LAMP5: variants seen among roughly 807,000 people sequenced by gnomAD.
LAMP5 encodes lysosome-associated membrane glycoprotein 5.
LAMP5 carries 36 observed loss-of-function variants against 30.2 expected under a neutral mutation model. That is an observed-to-expected ratio of 1.19 (90% CI 0.91 to 1.57). The LOEUF (loss-of-function observed/expected upper bound fraction) is 1.57, where lower values mean the gene tolerates loss of function less well. Among genes scored for constraint, LAMP5 ranks in the 40% most tolerant of loss-of-function variants. The pLI is 0.00. For missense variants in LAMP5, 377 were observed against 354.9 expected, an observed-to-expected ratio of 1.06 and a Z score of -0.50; for synonymous variants, 149 against 134.6, an observed-to-expected ratio of 1.11 and a Z score of -0.74.
chr20:9,519,232 A>G (rs1162458766), intron 5 of LAMP5, among the ~76,000 whole-genome samples: 1 of 152,196 alleles, frequency 6.6e-6, no homozygotes, highest in African/African-American at 2.4e-5. Context: ...AATCAGAAAA[A>G]ATTTTGATTG....
intron 5 of LAMP5, among the ~76,000 whole-genome samples, chr20:9,519,547 C>A (rs1418099671): frequency 6.6e-6 from 1 of 152,140 alleles, no homozygotes; most frequent in African/African-American, 2.4e-5. Context: ...TGTGTCGAGA[C>A]CTTAACAGTT....
chr20:9,519,158 A>C (rs2045063146), intron 5 of LAMP5, among the ~76,000 whole-genome samples: 2 of 152,228 alleles, frequency 1.3e-5, no homozygotes, highest in Admixed American at 1.3e-4. Context: ...CATATCATTT[A>C]TTCTCTCTCC....
At chr20:9,520,209 A>C (rs1170057117) in intron 5 of LAMP5, among the ~76,000 whole-genome samples, 1 of 152,174 alleles carries the variant, frequency 6.6e-6, no homozygotes, top group Non-Finnish European at 1.5e-5. Context: ...AATAATTAGG[A>C]TGTTCTCTCC....
intron 5 of LAMP5, among the ~76,000 whole-genome samples, chr20:9,520,130 T>C (rs2045069514): frequency 6.6e-6 from 1 of 152,236 alleles, no homozygotes; most frequent in Admixed American, 6.5e-5. Context: ...TAACTACATA[T>C]AACTTCCTAA....
rs2045142313 is a variant in LAMP5, at chr20:9,530,327, A to G, written c.*507A>G. 1 of 152,950 alleles carries G rather than the reference A, an allele frequency of 6.5e-6. No homozygotes were observed. Among genetic ancestry groups the G allele is most frequent in the African/African-American group, 2.4e-5 (1 of 41,446 alleles). The allele number at this position is 152,950 out of a possible 1,614,324, so 9.5% of individuals were successfully genotyped here. On this transcript the variant is annotated 3_prime_UTR_variant, in exon 6 of 6. Transcript: ENST00000246070. ...AAAGTGATTCATGCTTCTGGCTGGC[A>G]TTCTGCATGTTTAGTGATTGTCTTG... is the stretch of plus-strand genomic sequence containing the variant.
intron 5 of LAMP5, among the ~76,000 whole-genome samples, chr20:9,525,999 T>G (rs1299433890): frequency 6.6e-6 from 1 of 152,120 alleles, no homozygotes; most frequent in Non-Finnish European, 1.5e-5. Context: ...AAAACCATGG[T>G]CTACAGTCTG....
At chr20:9,526,860 GTATATATATATATATATATATATA>G (rs201564418) in intron 5 of LAMP5, among the ~76,000 whole-genome samples, 7,012 of 80,370 alleles carry the variant, frequency 0.087, 403 homozygotes, top group East Asian at 0.28. Context: ...GTGTGTGTGT[GTATATATATATATATATATATATA>G]TATATATATA....
At position 9,516,017 on chromosome 20, in the gene LAMP5, C is replaced by G; in HGVS notation, c.255C>G (p.Ala85=). The G allele has an allele frequency of 6.6e-7, 1 of 1,524,280 alleles. No individual in the cohort carries two copies. Among genetic ancestry groups the G allele is most frequent in the Non-Finnish European group, 8.8e-7 (1 of 1,141,296 alleles). The allele number at this position is 1,524,280 out of a possible 1,614,324, so 94.4% of individuals were successfully genotyped here. The change falls in exon 3 of 6, where the codon GCC becomes GCG. Residue 85 remains alanine, a synonymous_variant. Transcript: ENST00000246070. ...GTTCCCAGCTGATCACAGAACAGGCCGATATCGCATTGACCCGGGGAGCTG... is the reference window on the plus strand; with the variant it reads ...GTTCCCAGCTGATCACAGAACAGGCGGATATCGCATTGACCCGGGGAGCTG... ...SNYVDLITEQ[A]DIALTRGAEV... is the part of the protein sequence containing the mutation.
chr20:9,516,212 A>G (rs1353598882), intron 3 of LAMP5, 44 bp from the exon 4 acceptor site: 1 of 1,611,432 alleles, frequency 6.2e-7, no homozygotes, highest in Non-Finnish European at 8.5e-7. Flanking sequence ...TTAAGAACCC[A>G]GACGCTGCGG....
At position 9,516,113 on chromosome 20, in the gene LAMP5, C is replaced by T; in HGVS notation, c.351C>T (p.Leu117=). The T allele has an allele frequency of 6.4e-7, 1 of 1,552,830 alleles. No individual in the cohort carries two copies. Among genetic ancestry groups the T allele is most frequent in the Non-Finnish European group, 8.7e-7 (1 of 1,153,614 alleles). Reference sequence around the variant, plus strand: ...TCTGGGTGGATCGCGCATATGCACTCAAAATGCTCTTTGTAAAGGTAACTC... The same window carrying T: ...TCTGGGTGGATCGCGCATATGCACTTAAAATGCTCTTTGTAAAGGTAACTC... ...QVFWVDRAYA[L]KMLFVKESHN... The change falls in exon 3 of 6, where the codon CTC becomes CTT. Residue 117 remains leucine (L), a synonymous_variant. Coordinates refer to ENST00000246070, the MANE Select transcript of LAMP5 (RefSeq NM_012261.4).
chr20:9,520,921 T>C (rs1433711051), intron 5 of LAMP5, among the ~76,000 whole-genome samples: 4 of 151,878 alleles, frequency 2.6e-5, no homozygotes, highest in Non-Finnish European at 5.9e-5. Context: ...TCAGCTTCAA[T>C]GTGCAATGAC....
Position 9,529,703 on chromosome 20 carries a change from G to A in LAMP5, c.726G>A (p.Gly242=), listed in dbSNP as rs1430253626. 1 of 1,614,118 alleles carries A rather than the reference G, an allele frequency of 6.2e-7. No individual in the cohort carries two copies. The highest frequency in any genetic ancestry group is 1.7e-5 in the Admixed American group (1 of 60,006). The change falls in exon 6 of 6, where the codon GGG becomes GGA. Residue 242 remains glycine (G), a synonymous_variant. Transcript: ENST00000246070. ...AAGAAACCTTGCCCCTGATTTTGGG[G>A]CTCATCTTGGGCCTCGTCATCATGG... The part of the protein sequence containing the change: ...QLEETLPLIL[G]LILGLVIMVT...
At chr20:9,523,623 C>T (rs2045092973) in intron 5 of LAMP5, among the ~76,000 whole-genome samples, 1 of 152,032 alleles carries the variant, frequency 6.6e-6, no homozygotes, top group South Asian at 2.1e-4. Flanking sequence ...TGGTTCTTTC[C>T]AATGATGAGG....
At chr20:9,524,281 T>G (rs1231620298) in intron 5 of LAMP5, among the ~76,000 whole-genome samples, 1 of 152,168 alleles carries the variant, frequency 6.6e-6, no homozygotes, top group Non-Finnish European at 1.5e-5. Context: ...AAGGGGTCCT[T>G]AGTTTTATTA....
chr20:9,523,062 T>C lies in LAMP5; in HGVS notation c.664+4834T>C, dbSNP rs543153530. Among the ~76,000 whole-genome samples, 70 of 143,694 alleles carry C rather than the reference T, an allele frequency of 4.9e-4. 2 individuals carry two copies. Among genetic ancestry groups the C allele is most frequent in the African/African-American group, 1.7e-3 (63 of 37,250 alleles). The allele number at this position is 143,694 out of a possible 152,430, so 94.3% of individuals were successfully genotyped here. The stretch of plus-strand genomic sequence containing the variant: ...AATCTTCCCACTTCAGCCTCCCAAG[T>C]AGCTGGGTGGTGATGCCACTGTGCC... On this transcript the variant is annotated intron_variant, in intron 5 of 5. Coordinates refer to ENST00000246070, the MANE Select transcript of LAMP5 (RefSeq NM_012261.4).
intron 4 of LAMP5, among the ~76,000 whole-genome samples, chr20:9,517,314 C>G (rs1277538422): frequency 6.6e-6 from 1 of 152,176 alleles, no homozygotes; most frequent in African/African-American, 2.4e-5. Context: ...GGACAAGCAT[C>G]CAGAGGACCA....
chr20:9,529,937 C>T lies in LAMP5; in HGVS notation c.*117C>T. On this transcript the variant is annotated 3_prime_UTR_variant, in exon 6 of 6. Transcript: ENST00000246070. ...CCAACATAGCTACAATCAAACAGGC[C>T]TGGGTATCTGAGGCTTGCTTGGCTT... 9.6e-7 allele frequency: 1 copy of T among 1,042,182 alleles called. No homozygotes were observed. The allele number at this position is 1,042,182 out of a possible 1,614,324, so 64.6% of individuals were successfully genotyped here.
At chr20:9,526,344 G>A (rs568174495) in intron 5 of LAMP5, among the ~76,000 whole-genome samples, 29 of 152,084 alleles carry the variant, frequency 1.9e-4, no homozygotes, top group Admixed American at 1.2e-3. Context: ...TGCCACTAGC[G>A]CCTGCAAACC....
intron 5 of LAMP5, among the ~76,000 whole-genome samples, chr20:9,525,772 T>C (rs1603174196): frequency 6.6e-6 from 1 of 152,098 alleles, no homozygotes; most frequent in African/African-American, 2.4e-5. Flanking sequence ...CTTTGTTAAC[T>C]CCCCACCCTC....
Sources: gnomAD v4.1 joint callset for allele counts (sites outside exome capture counted in the v4.1 genomes callset) on GRCh38, gnomAD v4.1.1 for gene constraint, MANE v1.5 for transcripts, NCBI Gene and HGNC (gene_info 2026-07-23, HGNC 2026-07-21) for gene names.